The following CWC22 variants were observed in gnomAD, a reference collection of about 807,000 sequenced individuals.
CWC22 encodes pre-mRNA-splicing factor CWC22 homolog.
CWC22 carries 53 observed loss-of-function variants against 117.2 expected under a neutral mutation model. The observed-to-expected ratio is 0.45, with a 90% CI of 0.36 to 0.57. The LOEUF (loss-of-function observed/expected upper bound fraction) is 0.57, where lower values mean the gene tolerates loss of function less well. Among genes scored for constraint, CWC22 ranks in the 20% least tolerant of loss-of-function variants. The pLI is 0.00. For missense variants in CWC22, 980 were observed against 1,068.8 expected, an observed-to-expected ratio of 0.92 and a Z score of 1.16; for synonymous variants, 360 against 355.6, an observed-to-expected ratio of 1.01 and a Z score of -0.14.
chr2:179,974,100 T>C (rs1687097692), intron 6 of CWC22, among the ~76,000 whole-genome samples: 2 of 152,296 alleles, frequency 1.3e-5, no homozygotes, highest in African/African-American at 2.4e-5. Flanking sequence ...AATTTGAACC[T>C]TAAAAAGGTT....
rs1462886954 is a variant in CWC22 at position 179,945,643 on chromosome 2, T to A, written c.2213A>T (p.Gln738Leu). ...KEVDKLIRNQ[Q>L]TNDRKQKERR... ...TTCTTTTTGTTTCCTATCATTTGTT[T>A]GCTGGTTTCTGATCAATTTATCTAC... The change falls in exon 20 of 20, where the codon CAA (glutamine) becomes CTA (leucine). Residue 738 changes from glutamine to leucine, a missense_variant. Coordinates refer to ENST00000410053, the MANE Select transcript of CWC22 (RefSeq NM_020943.3). 6.2e-7 allele frequency: 1 copy of A among 1,612,272 alleles called. No individual in the cohort carries two copies. Among genetic ancestry groups the A allele is most frequent in the Non-Finnish European group, 8.5e-7 (1 of 1,179,580 alleles).
At chr2:179,969,876 C>T (rs1686988313) in intron 11 of CWC22, among the ~76,000 whole-genome samples, 1 of 152,038 alleles carries the variant, frequency 6.6e-6, no homozygotes, top group Admixed American at 6.6e-5. Flanking sequence ...GGTGATAATA[C>T]ACAACACTGT....
intron 1 of CWC22, among the ~76,000 whole-genome samples, chr2:180,005,721 C>T (rs1485480139): frequency 6.6e-6 from 1 of 152,158 alleles, no homozygotes; most frequent in Non-Finnish European, 1.5e-5. Flanking sequence ...AATAATACAA[C>T]GCTAACGCTG....
chr2:179,978,704 T>C (rs185152625), intron 5 of CWC22, among the ~76,000 whole-genome samples: 2 of 152,172 alleles, frequency 1.3e-5, no homozygotes, highest in African/African-American at 4.8e-5. Flanking sequence ...ATTAAAAAAA[T>C]TTAAATGGTA....
chr2:179,954,824 C>A, intron 15 of CWC22, 133 bp downstream of exon 15: 4 of 603,870 alleles, frequency 6.6e-6, no homozygotes, highest in Non-Finnish European at 8.8e-6. Context: ...AGTGGGAAAC[C>A]TGAGGAAGGA....
At chr2:179,955,966 TAAAAC>T (rs1686581212) in intron 14 of CWC22, among the ~76,000 whole-genome samples, 1 of 151,958 alleles carries the variant, frequency 6.6e-6, no homozygotes, top group East Asian at 1.9e-4. Context: ...ACCAGAAACT[TAAAAC>T]AATTTTCCAA....
At chr2:180,004,440 G>A (rs1293713743) in intron 1 of CWC22, among the ~76,000 whole-genome samples, 1 of 151,828 alleles carries the variant, frequency 6.6e-6, no homozygotes, top group Non-Finnish European at 1.5e-5. Context: ...CGCCCAAGCT[G>A]GAGTGCAGTG....
chr2:179,984,380 T>C (rs915514956), intron 4 of CWC22, among the ~76,000 whole-genome samples: 1 of 152,074 alleles, frequency 6.6e-6, no homozygotes, highest in African/African-American at 2.4e-5. Context: ...GTCATTCTCA[T>C]TAAGGTGACA....
intron 16 of CWC22, among the ~76,000 whole-genome samples, chr2:179,953,247 T>C (rs1343153191): frequency 6.6e-6 from 1 of 152,078 alleles, no homozygotes; most frequent in East Asian, 1.9e-4. Context: ...TACGAATGCC[T>C]ATTAATGTAG....
In CWC22 at chr2:179,978,206, T is replaced by G. The variant is rs776035215; in HGVS notation, c.565A>C (p.Asn189His). ...SIIIQELLQE[N>H]IVRGRGLLSR... ...AATACTTACCTTCCTCTAACTATAT[T>G]TTCTTGAAGAAGCTCTTGAATAATA... Residue 189 changes from asparagine to histidine, a missense_variant, in exon 6 of 20, where the codon AAT becomes CAT. Asn to His is a moderately conservative substitution (Grantham distance 68, BLOSUM62 1). Around this residue, in one of 3 missense-constraint regions of CWC22, gnomAD observed 559 missense variants for 602.3 expected, o/e 0.93. Coordinates refer to ENST00000410053, the MANE Select transcript of CWC22 (RefSeq NM_020943.3). The G allele has an allele frequency of 6.5e-7, 1 of 1,540,760 alleles. No homozygotes were observed. Among genetic ancestry groups the G allele is most frequent in the South Asian group, 1.3e-5 (1 of 76,378 alleles).
intron 8 of CWC22, among the ~76,000 whole-genome samples, chr2:179,971,665 C>T (rs1408505017): frequency 1.3e-5 from 2 of 152,000 alleles, no homozygotes; most frequent in Admixed American, 6.6e-5. Flanking sequence ...TTACTGGCCA[C>T]GTTCAAAAAC....
intron 2 of CWC22, among the ~76,000 whole-genome samples, chr2:179,991,019 A>G (rs1243542473): frequency 6.6e-6 from 1 of 152,240 alleles, no homozygotes; most frequent in Non-Finnish European, 1.5e-5. Context: ...CTTTTATCAC[A>G]GAGTTTAGAT....
At position 179,973,853 on chromosome 2, in the gene CWC22, T is replaced by C. The variant is rs540574268; in HGVS notation, c.582-51A>G. 5 of 1,074,544 alleles carry C rather than the reference T, an allele frequency of 4.7e-6. No individual in the cohort carries two copies. In the East Asian group the frequency reaches 1.3e-4, roughly 29 times the overall value. The allele number at this position is 1,074,544 out of a possible 1,614,324, so 66.6% of individuals were successfully genotyped here. ...AGTCAACAATAATCACCAAATTAATTAAACGAAACAAAAACTATTAAAATT... is the reference window on the plus strand; with the variant it reads ...AGTCAACAATAATCACCAAATTAATCAAACGAAACAAAAACTATTAAAATT... On this transcript the variant is annotated intron_variant, in intron 6 of 19. Coordinates refer to ENST00000410053, the MANE Select transcript of CWC22 (RefSeq NM_020943.3).
At chr2:180,001,240 A>C (rs563383148) in intron 1 of CWC22, among the ~76,000 whole-genome samples, 8 of 152,120 alleles carry the variant, frequency 5.3e-5, no homozygotes, top group African/African-American at 1.7e-4. Context: ...AATTCCCTTT[A>C]TCCTGTCCCC....
Position 179,981,732 on chromosome 2 carries a change from A to C in CWC22, c.452+20T>G. 2 of 1,595,298 alleles carry C rather than the reference A, an allele frequency of 1.3e-6. No individual in the cohort carries two copies. Among genetic ancestry groups the C allele is most frequent in the South Asian group, 2.2e-5 (2 of 90,534 alleles). The stretch of plus-strand genomic sequence containing the variant: ...CAATGACAATTTCATGGCTTTGTAT[A>C]CTGATTGATATAAACATGCCTGTTT... On this transcript the variant is annotated intron_variant, in intron 5 of 19. Transcript: ENST00000410053.
At chr2:179,964,911 A>C (rs1471918694) in intron 12 of CWC22, among the ~76,000 whole-genome samples, 2 of 152,144 alleles carry the variant, frequency 1.3e-5, no homozygotes, top group African/African-American at 4.8e-5. Context: ...GGCTGCACTC[A>C]TGCTGTTGTT....
At chr2:179,951,786 C>T (rs1484214850) in intron 17 of CWC22, among the ~76,000 whole-genome samples, 2 of 151,890 alleles carry the variant, frequency 1.3e-5, no homozygotes, top group Non-Finnish European at 2.9e-5. Flanking sequence ...TGTGTGGAAC[C>T]CAGGAACACT....
At chr2:179,963,998 G>C (rs1373659842) in intron 13 of CWC22, among the ~76,000 whole-genome samples, 2 of 152,116 alleles carry the variant, frequency 1.3e-5, no homozygotes, top group African/African-American at 4.8e-5. Flanking sequence ...ATCCTTCAAA[G>C]GGAATAGGTT....
Position 179,986,676 on chromosome 2 carries a change from A to C in CWC22, c.206+19T>G. 17 of 1,383,850 alleles carry C rather than the reference A, an allele frequency of 1.2e-5. No individual in the cohort carries two copies. Among genetic ancestry groups the C allele is most frequent in the Non-Finnish European group, 1.5e-5 (15 of 989,014 alleles). The allele number at this position is 1,383,850 out of a possible 1,614,324, so 85.7% of individuals were successfully genotyped here. A position where few individuals can be genotyped will look rare whatever the true frequency, so the allele number is the denominator to read the frequency against. ...AAACAAATACAATTTTCTACAAGTT[A>C]GAAATTCCCAACACTAACCGTGACT... On this transcript the variant is annotated intron_variant, in intron 4 of 19. Coordinates refer to ENST00000410053, the MANE Select transcript of CWC22 (RefSeq NM_020943.3).
Sources: allele counts gnomAD v4.1 joint callset (sites outside exome capture counted in the v4.1 genomes callset), GRCh38; gene constraint gnomAD v4.1.1; regional missense constraint gnomAD v4.1.1; transcripts MANE v1.5; gene names NCBI Gene and HGNC (gene_info 2026-07-23, HGNC 2026-07-21).